The following DKK2 variants were observed in gnomAD, a reference collection of about 807,000 sequenced individuals.
DKK2 encodes the protein dickkopf Wnt signaling pathway inhibitor 2.
In DKK2, 11 loss-of-function variants were observed where a neutral mutation model predicts 28.1. The observed-to-expected ratio is 0.39, with a 90% confidence interval of 0.25 to 0.65. DKK2 has a LOEUF of 0.65. Ranked by LOEUF, DKK2 falls within the 30% of genes least tolerant of loss-of-function variation. The pLI, the probability that DKK2 is intolerant of heterozygous loss-of-function variation, is 0.47. For synonymous variants in DKK2, 135 were observed against 126.5 expected, an observed-to-expected ratio of 1.07 and a Z score of -0.45; for missense variants, 326 against 335.5, an observed-to-expected ratio of 0.97 and a Z score of 0.22.
intron 1 of DKK2, among the ~76,000 whole-genome samples, chr4:106,934,088 T>C (rs1002550489): frequency 3.3e-5 from 5 of 149,718 alleles, no homozygotes; most frequent in African/African-American, 7.4e-5. Flanking sequence ...CACACACACA[T>C]ATGTATGTAT....
At chr4:107,018,304 A>G (rs1168340147) in intron 1 of DKK2, among the ~76,000 whole-genome samples, 2 of 152,072 alleles carry the variant, frequency 1.3e-5, no homozygotes, top group Non-Finnish European at 2.9e-5. Context: ...CCAGCTGTAC[A>G]TGTGGGCTGG....
chr4:106,984,866 C>T (rs1458795435), intron 1 of DKK2, among the ~76,000 whole-genome samples: 2 of 152,222 alleles, frequency 1.3e-5, no homozygotes, highest in African/African-American at 2.4e-5. Flanking sequence ...ATACACACAA[C>T]AGCCTGTAAT....
In DKK2 at chr4:106,942,324, A is replaced by G. The variant is rs191639298; in HGVS notation, c.223-16375T>C. ...TACATTCTCAATAGTGCAAGAAAGG[A>G]AAGATTTGTTACCAGATAAAAAAAT... On this transcript the variant is annotated intron_variant, in intron 1 of 3. Coordinates refer to ENST00000285311, the MANE Select transcript of DKK2 (RefSeq NM_014421.3). Among the ~76,000 whole-genome samples, 4 of 152,262 alleles carry G rather than the reference A, an allele frequency of 2.6e-5. No individual in the cohort carries two copies. The East Asian group carries it at 7.7e-4, about 29-fold the overall frequency.
intron 1 of DKK2, among the ~76,000 whole-genome samples, chr4:107,031,070 T>C (rs1454986658): frequency 6.6e-6 from 1 of 152,044 alleles, no homozygotes; most frequent in African/African-American, 2.4e-5. Context: ...TAAAATACTT[T>C]TCTTGCTATT....
intron 1 of DKK2, among the ~76,000 whole-genome samples, chr4:106,958,696 A>G (rs2110349481): frequency 1.3e-5 from 2 of 151,860 alleles, no homozygotes; most frequent in East Asian, 1.9e-4. Flanking sequence ...AATTAGCCGG[A>G]TGTGGTGGCA....
intron 1 of DKK2, among the ~76,000 whole-genome samples, chr4:106,989,803 G>A (rs1723178756): frequency 6.6e-6 from 1 of 152,168 alleles, no homozygotes; most frequent in African/African-American, 2.4e-5. Context: ...CAAGCTATGT[G>A]TTTGAGGAGA....
chr4:106,963,562 G>C (rs911205067), intron 1 of DKK2, among the ~76,000 whole-genome samples: 2 of 152,138 alleles, frequency 1.3e-5, no homozygotes, highest in Non-Finnish European at 2.9e-5. Context: ...GAAGAGAGAG[G>C]AACCCTCATA....
rs972720832 is a variant in DKK2, at chr4:106,922,285, A to G, written c.*1669T>C. ...AATTTGAGACTGCAGATGGGATTTA[A>G]GTAAAAGAAAACTAAAAAGTGAATT... On this transcript the variant is annotated 3_prime_UTR_variant, in exon 4 of 4. Coordinates refer to ENST00000285311, the MANE Select transcript of DKK2 (RefSeq NM_014421.3). 1.3e-5 allele frequency: 2 copies of G among 152,198 alleles called. No individual in the cohort carries two copies. The highest frequency in any genetic ancestry group is 4.8e-5 in the African/African-American group (2 of 41,464). The allele number at this position is 152,198 out of a possible 1,614,324, so 9.4% of individuals were successfully genotyped here. A position where few individuals can be genotyped will look rare whatever the true frequency, so the allele number is the denominator to read the frequency against.
rs34597899 is a variant in DKK2, at chr4:106,961,565, G to GCACACACACACACACACACACACACA, written c.223-35642_223-35617dup. On this transcript the variant is annotated intron_variant, in intron 1 of 3. Transcript: ENST00000285311. Reference sequence around the variant, plus strand: ...TTAAATTTGCAGCCGCCAACAGCCTGCACACACACACACACACACACACAC... The same window carrying GCACACACACACACACACACACACACA: ...TTAAATTTGCAGCCGCCAACAGCCTGCACACACACACACACACACACACACACACACACACACACACACACACACAC... Among the ~76,000 whole-genome samples the GCACACACACACACACACACACACACA allele has an allele frequency of 4.3e-3, 592 of 136,244 alleles. 4 individuals are homozygous for GCACACACACACACACACACACACACA. Among genetic ancestry groups the GCACACACACACACACACACACACACA allele is most frequent in the Non-Finnish European group, 6.8e-3 (430 of 63,470 alleles). 89.4% of individuals were successfully genotyped at this position (136,244 alleles called of 152,430 possible). A position where few individuals can be genotyped will look rare whatever the true frequency, so the allele number is the denominator to read the frequency against.
intron 1 of DKK2, among the ~76,000 whole-genome samples, chr4:106,991,100 G>T (rs1319582847): frequency 2.0e-5 from 3 of 152,126 alleles, no homozygotes; most frequent in African/African-American, 7.2e-5. Context: ...AGTTTTAGCA[G>T]ATAATTATTG....
At chr4:107,022,475 A>G (rs531154801) in intron 1 of DKK2, among the ~76,000 whole-genome samples, 1 of 152,272 alleles carries the variant, frequency 6.6e-6, no homozygotes, top group East Asian at 1.9e-4. Flanking sequence ...AAGTATACAG[A>G]CTTAAGTAAG....
intron 1 of DKK2, among the ~76,000 whole-genome samples, chr4:106,937,658 A>T (rs1560575517): frequency 1.3e-5 from 2 of 150,302 alleles, no homozygotes; most frequent in African/African-American, 4.9e-5. Context: ...AATCAACAGA[A>T]TATACATTTT....
chr4:106,925,665 A>T, intron 2 of DKK2, 134 bp downstream of exon 2: 2 of 1,189,520 alleles, frequency 1.7e-6, no homozygotes, highest in Middle Eastern at 2.9e-4. Flanking sequence ...AGGTAATCTT[A>T]CACTACCTAA....
chr4:106,976,197 T>C (rs936980872), intron 1 of DKK2, among the ~76,000 whole-genome samples: 1 of 152,202 alleles, frequency 6.6e-6, no homozygotes, highest in Non-Finnish European at 1.5e-5. Context: ...GATGTGGTGC[T>C]GAGAAGAATG....
At chr4:106,950,565 T>C (rs1724844140) in intron 1 of DKK2, among the ~76,000 whole-genome samples, 1 of 152,092 alleles carries the variant, frequency 6.6e-6, no homozygotes, top group Non-Finnish European at 1.5e-5. Flanking sequence ...CTAGTGCTTC[T>C]AGGTTCTTTC....
At chr4:106,984,061 A>C (rs1723079705) in intron 1 of DKK2, among the ~76,000 whole-genome samples, 1 of 152,200 alleles carries the variant, frequency 6.6e-6, no homozygotes, top group Non-Finnish European at 1.5e-5. Flanking sequence ...GTCTTAAAGA[A>C]CTAAAGATGC....
chr4:106,974,954 G>A (rs867261010), intron 1 of DKK2, among the ~76,000 whole-genome samples: 8 of 152,024 alleles, frequency 5.3e-5, no homozygotes, highest in Admixed American at 1.3e-4. Flanking sequence ...AGTATAAAGG[G>A]GTGTTGAATT....
At chr4:106,939,303 T>A (rs556741574) in intron 1 of DKK2, among the ~76,000 whole-genome samples, 87 of 152,204 alleles carry the variant, frequency 5.7e-4, no homozygotes, top group African/African-American at 2.0e-3. Flanking sequence ...TCACAAGCAT[T>A]CTTATACACC....
intron 1 of DKK2, among the ~76,000 whole-genome samples, chr4:106,927,797 A>G (rs1015664570): frequency 1.3e-5 from 2 of 152,288 alleles, no homozygotes; most frequent in East Asian, 1.9e-4. Flanking sequence ...ATTCATTTAC[A>G]TTTATTTCAT....
Sources: allele counts gnomAD v4.1 joint callset (sites outside exome capture counted in the v4.1 genomes callset), GRCh38; gene constraint gnomAD v4.1.1; transcripts MANE v1.5; gene names NCBI Gene and HGNC (gene_info 2026-07-23, HGNC 2026-07-21).